The following PKIB variants were observed in gnomAD, a reference collection of about 807,000 sequenced individuals.
The protein encoded by PKIB is PKI-beta.
In PKIB, 2 loss-of-function variants were observed where a neutral mutation model predicts 4.5. The observed-to-expected ratio is 0.44, with a 90% CI of 0.18 to 1.39. The LOEUF (loss-of-function observed/expected upper bound fraction) is 1.39, where lower values mean the gene tolerates loss of function less well. PKIB is among the 40% of genes most tolerant of loss of function. The pLI is 0.27. For synonymous variants in PKIB, 38 were observed against 36.0 expected, an observed-to-expected ratio of 1.06 and a Z score of -0.20; for missense variants, 94 against 92.6, an observed-to-expected ratio of 1.02 and a Z score of -0.06.
chr6:122,560,416 CT>C (rs1046345230), intron 2 of PKIB, among the ~76,000 whole-genome samples: 11 of 152,150 alleles, frequency 7.2e-5, no homozygotes, highest in East Asian at 5.8e-4. Flanking sequence ...GGTGGATTAT[CT>C]TTTTGATATG....
chr6:122,651,659 C>A (rs192782503), intron 2 of PKIB, among the ~76,000 whole-genome samples: 23 of 152,304 alleles, frequency 1.5e-4, no homozygotes, highest in African/African-American at 5.1e-4. Context: ...AGGAGAAATT[C>A]ATTTTGTGTT....
At chr6:122,646,280 C>T (rs1776312646) in intron 2 of PKIB, among the ~76,000 whole-genome samples, 1 of 152,080 alleles carries the variant, frequency 6.6e-6, no homozygotes, top group Non-Finnish European at 1.5e-5. Context: ...CCCTGACAGT[C>T]ATTATTTGGG....
chr6:122,710,687 G>T (rs146798820), intron 3 of PKIB, among the ~76,000 whole-genome samples: 1 of 152,166 alleles, frequency 6.6e-6, no homozygotes, highest in East Asian at 1.9e-4. Flanking sequence ...GTGCTAGCAC[G>T]CAGCCTTCAC....
chr6:122,602,910 C>T (rs572612525), intron 3 of PKIB, among the ~76,000 whole-genome samples: 2 of 146,150 alleles, frequency 1.4e-5, no homozygotes, highest in Non-Finnish European at 3.0e-5. Flanking sequence ...GAGCCGAGAT[C>T]GCACCACGGC....
intron 2 of PKIB, among the ~76,000 whole-genome samples, chr6:122,486,374 CTTGTT>C (rs1003485817): frequency 2.6e-5 from 4 of 152,026 alleles, no homozygotes; most frequent in African/African-American, 9.7e-5. Context: ...TATTTGTTCT[CTTGTT>C]TTGGTTTCTT....
At chr6:122,522,337 C>T (rs2114602307) in intron 2 of PKIB, among the ~76,000 whole-genome samples, 1 of 152,310 alleles carries the variant, frequency 6.6e-6, no homozygotes. Context: ...GTGGGATCCA[C>T]TGAGCAAGAC....
intron 1 of PKIB, among the ~76,000 whole-genome samples, chr6:122,617,735 C>T (rs1056543893): frequency 1.3e-5 from 2 of 152,038 alleles, no homozygotes. Flanking sequence ...AGTTTGATGA[C>T]AACAGTTTAG....
At chr6:122,674,782 G>A (rs1777606767) in intron 2 of PKIB, among the ~76,000 whole-genome samples, 1 of 151,978 alleles carries the variant, frequency 6.6e-6, no homozygotes, top group South Asian at 2.1e-4. Context: ...GTTTTTACAC[G>A]ATGATTTCTC....
intron 1 of PKIB, among the ~76,000 whole-genome samples, chr6:122,477,534 A>G (rs1582645066): frequency 1.3e-5 from 2 of 152,212 alleles, no homozygotes; most frequent in Admixed American, 1.3e-4. Flanking sequence ...TTTATTTTCC[A>G]GTAATCCATA....
intron 2 of PKIB, among the ~76,000 whole-genome samples, chr6:122,534,715 A>G (rs1777355679): frequency 6.6e-6 from 1 of 152,098 alleles, no homozygotes; most frequent in Non-Finnish European, 1.5e-5. Flanking sequence ...GACTTGAGCC[A>G]CTGAGCTCAA....
rs1310230546 is a variant in PKIB, at chr6:122,725,910, G to A, written c.*715G>A. ...TTCCCTAACTTTGGTCTGTGTATGT[G>A]TGTGTGTTTTACTTTAATATGAATT... On this transcript the variant is annotated 3_prime_UTR_variant, in exon 5 of 5. Transcript: ENST00000368452. 1.3e-5 allele frequency: 2 copies of A among 151,986 alleles called. No individual in the cohort carries two copies. The highest frequency in any genetic ancestry group is 2.4e-5 in the African/African-American group (1 of 41,390). The allele number at this position is 151,986 out of a possible 1,614,324, so 9.4% of individuals were successfully genotyped here.
At chr6:122,483,152 ATC>A (rs1027022164) in intron 2 of PKIB, 29 of 152,186 alleles carry the variant, frequency 1.9e-4, no homozygotes, top group African/African-American at 6.5e-4. Context: ...TTAGTAAGTT[ATC>A]TCTTTTTCTT....
At chr6:122,687,088 T>G (rs1175379229) in intron 3 of PKIB, among the ~76,000 whole-genome samples, 5 of 152,220 alleles carry the variant, frequency 3.3e-5, no homozygotes, top group Non-Finnish European at 7.3e-5. Context: ...TTTAGTAGTT[T>G]CATAGTTTGA....
At chr6:122,700,898 T>C (rs756010085) in intron 3 of PKIB, among the ~76,000 whole-genome samples, 2 of 152,200 alleles carry the variant, frequency 1.3e-5, no homozygotes, top group Non-Finnish European at 2.9e-5. Flanking sequence ...CATTAGTCTA[T>C]GGCTTGGATA....
chr6:122,551,481 T>C (rs1466557590), intron 2 of PKIB, among the ~76,000 whole-genome samples: 2 of 152,228 alleles, frequency 1.3e-5, no homozygotes, highest in East Asian at 3.8e-4. Context: ...CAGTATTTTC[T>C]CTTATTTCTC....
chr6:122,575,180 A>G (rs951114556), intron 2 of PKIB, among the ~76,000 whole-genome samples: 1 of 152,208 alleles, frequency 6.6e-6, no homozygotes, highest in Non-Finnish European at 1.5e-5. Context: ...AGGGAAATGT[A>G]AATTAAAACC....
In PKIB at chr6:122,521,188, T is replaced by C. The variant is rs147762496; in HGVS notation, c.-248+43249T>C. On this transcript the variant is annotated intron_variant, in intron 2 of 6. Transcript: ENST00000392491. The stretch of plus-strand genomic sequence containing the variant: ...TTTTGCTGGGATTCGGAAAACTTAG[T>C]GGATCGGACTGGCCGCAGGCCACCA... 1.9e-3 allele frequency among the ~76,000 whole-genome samples: 290 copies of C among 152,316 alleles called. 1 individual carries two copies. Among genetic ancestry groups the C allele is most frequent in the Admixed American group, 3.3e-3 (50 of 15,298 alleles).
chr6:122,474,192 T>G lies in PKIB; in HGVS notation c.-337+2151T>G, dbSNP rs373781564. ...CTAATAACTCAGTTCTCTGACTTGATTAAGGGCTAGTATGCCAAAAAACAA... is the reference window on the plus strand; with the variant it reads ...CTAATAACTCAGTTCTCTGACTTGAGTAAGGGCTAGTATGCCAAAAAACAA... On this transcript the variant is annotated intron_variant, in intron 1 of 6. Coordinates refer to the PKIB transcript ENST00000392491. 5.9e-5 allele frequency among the ~76,000 whole-genome samples: 9 copies of G among 152,292 alleles called. No homozygotes were observed. In the East Asian group the frequency reaches 7.7e-4, roughly 13 times the overall value.
intron 3 of PKIB, 67 bp from the exon 4 acceptor site, chr6:122,717,720 C>A: frequency 1.3e-6 from 2 of 1,517,934 alleles, no homozygotes; most frequent in South Asian, 1.2e-5. Context: ...CCATGCCTTT[C>A]AACCACTGTG....
Sources: gnomAD v4.1 joint callset for allele counts (sites outside exome capture counted in the v4.1 genomes callset) on GRCh38, gnomAD v4.1.1 for gene constraint, MANE v1.5 for transcripts, NCBI Gene and HGNC (gene_info 2026-07-23, HGNC 2026-07-21) for gene names.